Variants in TEKT2 observed in about 807,000 individuals in gnomAD.
TEKT2 encodes the protein tektin 2.
TEKT2 carries 45 observed loss-of-function variants against 49.8 expected under a neutral mutation model. The ratio of observed to expected loss-of-function variants is 0.90; its 90% confidence interval spans 0.71 to 1.16. TEKT2 has a LOEUF of 1.16. Ranked by LOEUF, TEKT2 falls within the 50% of genes most tolerant of loss-of-function variation. The probability of loss-of-function intolerance (pLI) is 0.00; values close to 1 mark genes in which losing one functional copy is unlikely to be tolerated. For synonymous variants in TEKT2, 202 were observed against 224.6 expected (o/e 0.90, Z 0.90); for missense variants, 523 against 551.4 (o/e 0.95, Z 0.52).
Position 36,085,267 on chromosome 1 carries a change from C to G in TEKT2, c.261C>G (p.Ala87=). ...ACAAGTGTCTGACAGATTTAGATGC[C>G]GAGATCGATGCCCTGACACAGGCAG... ...MLDKCLTDLD[A]EIDALTQMKE... Residue 87 remains alanine (A), a synonymous_variant, in exon 3 of 10, where the codon GCC becomes GCG. Coordinates refer to ENST00000207457, the MANE Select transcript of TEKT2 (RefSeq NM_014466.3). 1 of 1,614,016 alleles carries G rather than the reference C, an allele frequency of 6.2e-7. No homozygotes were observed. Among genetic ancestry groups the G allele is most frequent in the Non-Finnish European group, 8.5e-7 (1 of 1,180,022 alleles).
In TEKT2 at chr1:36,087,422, C is replaced by T. The variant is rs778239631; in HGVS notation, c.856-17C>T. On this transcript the variant is annotated splice_polypyrimidine_tract_variant and intron_variant, in intron 7 of 9. Transcript: ENST00000207457. This position sits in a 1 kb window ranked among gnomAD's most constrained non-coding sequence, Gnocchi z 4.9. The stretch of plus-strand genomic sequence containing the variant: ...GTGAGTCCAGCAGGTGGAAACCAGT[C>T]ACTCTGTCCCCTGCAGACCTTGGAG... 1 of 1,613,846 alleles carries T rather than the reference C, an allele frequency of 6.2e-7. No individual in the cohort carries two copies. The highest frequency in any genetic ancestry group is 1.1e-5 in the South Asian group (1 of 91,080).
chr1:36,085,311 C>T lies in TEKT2; in HGVS notation c.282+23C>T, dbSNP rs117718807. 1,350 of 1,613,320 alleles carry T rather than the reference C, an allele frequency of 8.4e-4. 16 individuals carry two copies. The East Asian group carries it at 0.029, about 35-fold the overall frequency. ...CAGGCAGGGATCCAGGACTGGGTGC[C>T]CGGGGGCTGCTGCCGAAACCTCCCC... On this transcript the variant is annotated intron_variant, in intron 3 of 9. Transcript: ENST00000207457.
chr1:36,086,705 C>T lies in TEKT2; in HGVS notation c.490C>T (p.Leu164Phe), dbSNP rs1220868842. The change falls in exon 5 of 10, where the codon CTC (leucine) becomes TTC (phenylalanine). Residue 164 changes from leucine (L) to phenylalanine (F), a missense_variant and splice_region_variant. Coordinates refer to ENST00000207457, the MANE Select transcript of TEKT2 (RefSeq NM_014466.3). ...TGATGGAGTCTGCGCTTTCCCCAGC[C>T]TCTTGCAGGAAGTCCAACAGCAGCT... Reference protein sequence around the residue: ...KVSQAFEQLCLLQEVQQQLNS... With the variant: ...KVSQAFEQLCFLQEVQQQLNS... 1 of 1,614,106 alleles carries T rather than the reference C, an allele frequency of 6.2e-7. No individual in the cohort carries two copies. The highest frequency in any genetic ancestry group is 1.1e-5 in the South Asian group (1 of 91,080).
At chr1:36,085,761 C>T in intron 3 of TEKT2, 75 bp from the exon 4 acceptor site, 1 of 1,445,740 alleles carries the variant, frequency 6.9e-7, no homozygotes, top group Non-Finnish European at 9.5e-7. Flanking sequence ...CTCAAGTGTT[C>T]CATCCAACTC....
At position 36,087,184 on chromosome 1, in the gene TEKT2, C is replaced by T; in HGVS notation, c.748-20C>T. On this transcript the variant is annotated intron_variant, in intron 6 of 9. Transcript: ENST00000207457. The surrounding 1 kb of genome is among the most constrained non-coding windows in gnomAD (Gnocchi z 4.9). ...GCCCTGAGTGTAGACCCTCCCCTTG[C>T]CCTGTGTTTTCTCCTTCAGACCAAC... The T allele has an allele frequency of 6.2e-7, 1 of 1,613,792 alleles. No individual in the cohort carries two copies.
At chr1:36,085,769 C>T in intron 3 of TEKT2, 67 bp from the exon 4 acceptor site, 1 of 1,510,732 alleles carries the variant, frequency 6.6e-7, no homozygotes. Flanking sequence ...TTCCATCCAA[C>T]TCGGCCTCCC....
rs113220407 is a variant in TEKT2 at position 36,086,838 on chromosome 1, T to C, written c.623T>C (p.Val208Ala). ...TCGCTGAAGGTTGACCCCACACGTGTACCTGATGGGTAAGAAGAGTGTTTC... is the reference window on the plus strand; with the variant it reads ...TCGCTGAAGGTTGACCCCACACGTGCACCTGATGGGTAAGAAGAGTGTTTC... ...NISLKVDPTRVPDGSTTLQQW... is the reference protein window; with the variant it reads ...NISLKVDPTRAPDGSTTLQQW... Residue 208 changes from valine to alanine, a missense_variant, in exon 5 of 10, where the codon GTA becomes GCA. By Grantham distance (64) the Val-to-Ala change is moderately conservative. Transcript: ENST00000207457. 64 of 1,614,066 alleles carry C rather than the reference T, an allele frequency of 4.0e-5. No individual in the cohort carries two copies. In the Admixed American group the frequency reaches 1.0e-3, roughly 26 times the overall value.
rs745464365 is a variant in TEKT2 at position 36,087,475 on chromosome 1, C to T, written c.892C>T (p.Arg298Trp). 1.2e-5 allele frequency: 19 copies of T among 1,613,674 alleles called. No homozygotes were observed. The Middle Eastern group carries it at 4.9e-4, about 42-fold the overall frequency. ...GATCGCTGAGCTGCAGGAGGACATC[C>T]GGCACCTGGAGGAGGATCTGCGCAC... The part of the protein sequence containing the change: ...EEIAELQEDI[R>W]HLEEDLRTKL... Residue 298 changes from arginine to tryptophan, a missense_variant, in exon 8 of 10, where the codon CGG becomes TGG. Transcript: ENST00000207457. This position sits in a 1 kb window ranked among gnomAD's most constrained non-coding sequence, Gnocchi z 4.9.
Position 36,087,491 on chromosome 1 carries a change from A to C in TEKT2, c.908A>C (p.Asp303Ala), listed in dbSNP as rs146954385. The C allele has an allele frequency of 2.3e-5, 37 of 1,613,644 alleles. No homozygotes were observed. Among genetic ancestry groups the C allele is most frequent in the Non-Finnish European group, 3.1e-5 (36 of 1,180,018 alleles). The change falls in exon 8 of 10, where the codon GAT becomes GCT. Residue 303 changes from aspartate to alanine, a missense_variant. By Grantham distance (126) the Asp-to-Ala change is moderately radical (BLOSUM62 -2). Coordinates refer to ENST00000207457, the MANE Select transcript of TEKT2 (RefSeq NM_014466.3). This position sits in a 1 kb window ranked among gnomAD's most constrained non-coding sequence, Gnocchi z 4.9. Reference protein sequence around the residue: ...LQEDIRHLEEDLRTKLLSLKL... With the variant: ...LQEDIRHLEEALRTKLLSLKL... ...GAGGACATCCGGCACCTGGAGGAGGATCTGCGCACAAAGCTCCTGAGCCTG... is the reference window on the plus strand; with the variant it reads ...GAGGACATCCGGCACCTGGAGGAGGCTCTGCGCACAAAGCTCCTGAGCCTG...
At position 36,086,946 on chromosome 1, in the gene TEKT2, G is replaced by T; in HGVS notation, c.648G>T (p.Gln216His). Residue 216 changes from glutamine (Q) to histidine (H), a missense_variant, in exon 6 of 10, where the codon CAG becomes CAT. Physicochemically the swap from Gln to His is conservative, Grantham distance 24. Coordinates refer to ENST00000207457, the MANE Select transcript of TEKT2 (RefSeq NM_014466.3). ...CCACCTGCAGCTCCACCACACTCCA[G>T]CAGTGGGATGACTTCAGTCGGTTCA... ...TRVPDGSTTL[Q>H]QWDDFSRFNK... 6.2e-7 allele frequency: 1 copy of T among 1,613,918 alleles called. No homozygotes were observed. Among genetic ancestry groups the T allele is most frequent in the Non-Finnish European group, 8.5e-7 (1 of 1,180,022 alleles).
At position 36,084,769 on chromosome 1, in the gene TEKT2, A is replaced by C; in HGVS notation, c.-52-101A>C. The C allele has an allele frequency of 8.8e-7, 1 of 1,140,422 alleles. No homozygotes were observed. The allele number at this position is 1,140,422 out of a possible 1,614,324, so 70.6% of individuals were successfully genotyped here. On this transcript the variant is annotated intron_variant, in intron 1 of 9. Transcript: ENST00000207457. This position sits in a 1 kb window ranked among gnomAD's most constrained non-coding sequence, Gnocchi z 4.1. ...TCTCCAAGCAGGCTTCCAGCAGGAC[A>C]GGGCTCAGAGCAAAATGGACAGGAA...
Position 36,087,926 on chromosome 1 carries a change from C to A in TEKT2, c.1080-47C>A. 6.3e-7 allele frequency: 1 copy of A among 1,592,292 alleles called. No homozygotes were observed. The highest frequency in any genetic ancestry group is 8.6e-7 in the Non-Finnish European group (1 of 1,169,028). ...CTGAAGGCTATGCACGCAGCCCAGGCCTCCCAGCCTCATGGGGGCTGGGGG... is the reference window on the plus strand; with the variant it reads ...CTGAAGGCTATGCACGCAGCCCAGGACTCCCAGCCTCATGGGGGCTGGGGG... On this transcript the variant is annotated intron_variant, in intron 9 of 9. Transcript: ENST00000207457. The surrounding 1 kb of genome is among the most constrained non-coding windows in gnomAD (Gnocchi z 4.9).
At position 36,085,079 on chromosome 1, in the gene TEKT2, T is replaced by C. The variant is rs758051979; in HGVS notation, c.156+2T>C. On this transcript the variant is annotated splice_donor_variant, in intron 2 of 9. Transcript: ENST00000207457. LOFTEE classifies it high-confidence loss of function. Reference sequence around the variant, plus strand: ...CTCCGCAACGAGACCAACAACCAGGTTGGGGATGGGAACTCAGCTGGGTGG... The same window carrying C: ...CTCCGCAACGAGACCAACAACCAGGCTGGGGATGGGAACTCAGCTGGGTGG... 8.1e-6 allele frequency: 13 copies of C among 1,614,024 alleles called. No homozygotes were observed. The East Asian group carries it at 1.3e-4, about 17-fold the overall frequency.
rs2124039518 is a variant in TEKT2, at chr1:36,087,123, GC to G, written c.748-76del. Reference sequence around the variant, plus strand: ...TCTTCTGTTCCCTGCTGTGCATGTGGCCCCCTGCCCCTCGCTTGAGTAATAT... The same window carrying G: ...TCTTCTGTTCCCTGCTGTGCATGTGGCCCCTGCCCCTCGCTTGAGTAATAT... On this transcript the variant is annotated intron_variant, in intron 6 of 9. Transcript: ENST00000207457. This position sits in a 1 kb window ranked among gnomAD's most constrained non-coding sequence, Gnocchi z 4.9. 1.2e-6 allele frequency: 2 copies of G among 1,602,700 alleles called. No individual in the cohort carries two copies. Among genetic ancestry groups the G allele is most frequent in the Non-Finnish European group, 8.5e-7 (1 of 1,171,160 alleles).
At chr1:36,085,601 G>A (rs550942314) in intron 3 of TEKT2, 9 of 452,024 alleles carry the variant, frequency 2.0e-5, no homozygotes, top group African/African-American at 9.3e-5. Context: ...TGCAACCTCC[G>A]CCTCCTGGGC....
Position 36,087,072 on chromosome 1 carries a change from T to C in TEKT2, c.747+27T>C. On this transcript the variant is annotated intron_variant, in intron 6 of 9. Coordinates refer to ENST00000207457, the MANE Select transcript of TEKT2 (RefSeq NM_014466.3). The surrounding 1 kb of genome is among the most constrained non-coding windows in gnomAD (Gnocchi z 4.9). Reference sequence around the variant, plus strand: ...TGACAGGCCACCCACAGCTAATGGATGGTCCCAGTGTGCGCTCAGCCCTTA... The same window carrying C: ...TGACAGGCCACCCACAGCTAATGGACGGTCCCAGTGTGCGCTCAGCCCTTA... 2 of 1,611,446 alleles carry C rather than the reference T, an allele frequency of 1.2e-6. No individual in the cohort carries two copies. The highest frequency in any genetic ancestry group is 1.7e-6 in the Non-Finnish European group (2 of 1,178,212).
chr1:36,085,019 A>T lies in TEKT2; in HGVS notation c.98A>T (p.Asp33Val). ...TCCACCAATGCCCAGCTGCAGCGAG[A>T]TGCTTCCCATCAGATCCGCCAGGAG... Reference protein sequence around the residue: ...LLSTNAQLQRDASHQIRQEAR... With the variant: ...LLSTNAQLQRVASHQIRQEAR... The change falls in exon 2 of 10, where the codon GAT becomes GTT. Residue 33 changes from aspartate to valine, a missense_variant. Coordinates refer to ENST00000207457, the MANE Select transcript of TEKT2 (RefSeq NM_014466.3). 6.2e-7 allele frequency: 1 copy of T among 1,614,046 alleles called. No individual in the cohort carries two copies. The highest frequency in any genetic ancestry group is 8.5e-7 in the Non-Finnish European group (1 of 1,180,028).
chr1:36,086,595 G>T lies in TEKT2; in HGVS notation c.489-109G>T. Reference sequence around the variant, plus strand: ...AGTGGCTGAAGCTCCATTGTCTTCTGCTGGGAAGGGTCACCCCAGCCTCCT... The same window carrying T: ...AGTGGCTGAAGCTCCATTGTCTTCTTCTGGGAAGGGTCACCCCAGCCTCCT... On this transcript the variant is annotated intron_variant, in intron 4 of 9. Transcript: ENST00000207457. The T allele has an allele frequency of 2.7e-6, 4 of 1,456,468 alleles. No homozygotes were observed. The South Asian group carries it at 3.4e-5, about 13-fold the overall frequency. The allele number at this position is 1,456,468 out of a possible 1,614,324, so 90.2% of individuals were successfully genotyped here. A position where few individuals can be genotyped will look rare whatever the true frequency, so the allele number is the denominator to read the frequency against.
chr1:36,085,461 AC>A (rs1325734689), intron 3 of TEKT2, among the ~76,000 whole-genome samples, 173 bp downstream of exon 3: 1 of 114,134 alleles, frequency 8.8e-6, no homozygotes, highest in Non-Finnish European at 1.8e-5. Flanking sequence ...CCCCACCAGC[AC>A]CCCCGCCCAC....
Sources: gnomAD v4.1 joint callset for allele counts (sites outside exome capture counted in the v4.1 genomes callset) on GRCh38, gnomAD v4.1.1 for gene constraint, Gnocchi (gnomAD v3.1) non-coding constraint, MANE v1.5 for transcripts, NCBI Gene and HGNC (gene_info 2026-07-23, HGNC 2026-07-21) for gene names.